CEP112: variants seen among roughly 807,000 people sequenced by gnomAD.
The protein encoded by CEP112 is centrosomal protein 112.
A neutral mutation model predicts 153.0 loss-of-function variants in CEP112; 127 were observed. The observed-to-expected ratio is 0.83, with a 90% CI of 0.72 to 0.96. The LOEUF is 0.96. Ranked by LOEUF, CEP112 falls within the 40% of genes least tolerant of loss-of-function variation. CEP112 has a pLI of 0.00. For missense variants in CEP112, 1,089 were observed against 1,101.2 expected (o/e 0.99, Z 0.16); for synonymous variants, 358 against 374.4 (o/e 0.96, Z 0.51).
chr17:65,890,487 C>A (rs534047987), intron 20 of CEP112, among the ~76,000 whole-genome samples: 2 of 152,288 alleles, frequency 1.3e-5, no homozygotes, highest in South Asian at 4.2e-4. Context: ...GCCCCCACAT[C>A]CCATAACTTC....
intron 21 of CEP112, among the ~76,000 whole-genome samples, chr17:65,831,528 G>A (rs1254135890): frequency 6.6e-6 from 1 of 150,398 alleles, no homozygotes; most frequent in African/African-American, 2.4e-5. Context: ...CTGCACTCCA[G>A]CCTGGGCGAC....
intron 22 of CEP112, among the ~76,000 whole-genome samples, chr17:65,749,126 C>T (rs2051649326): frequency 6.6e-6 from 1 of 152,174 alleles, no homozygotes; most frequent in African/African-American, 2.4e-5. Context: ...GCAATCAAGA[C>T]ATAATCATCA....
intron 20 of CEP112, among the ~76,000 whole-genome samples, chr17:65,857,120 G>A: frequency 6.6e-6 from 1 of 152,204 alleles, no homozygotes; most frequent in African/African-American, 2.4e-5. Context: ...GTCTGAGGGA[G>A]AGAATACAGT....
chr17:65,994,149 T>G (rs117854989), intron 17 of CEP112, among the ~76,000 whole-genome samples: 1 of 152,086 alleles, frequency 6.6e-6, no homozygotes, highest in Admixed American at 6.6e-5. Flanking sequence ...AAACCCATAA[T>G]CTGAGATGAA....
intron 17 of CEP112, among the ~76,000 whole-genome samples, chr17:65,970,051 C>T (rs1318424358): frequency 2.0e-5 from 3 of 152,160 alleles, no homozygotes; most frequent in Non-Finnish European, 4.4e-5. Context: ...GCATGCATGC[C>T]ACATCACATG....
At chr17:65,640,152 ATATTTTT>A (rs1214628588) in intron 25 of CEP112, among the ~76,000 whole-genome samples, 3 of 68,684 alleles carry the variant, frequency 4.4e-5, no homozygotes, top group African/African-American at 2.8e-4. Context: ...ATATATATAT[ATATTTTT>A]TTTTTTTTTT....
intron 21 of CEP112, among the ~76,000 whole-genome samples, chr17:65,814,413 G>A (rs1398279522): frequency 6.6e-6 from 1 of 152,074 alleles, no homozygotes; most frequent in Non-Finnish European, 1.5e-5. Context: ...CATAGGTTCT[G>A]GTGTCAAACT....
At chr17:65,856,006 C>T (rs983291158) in intron 20 of CEP112, among the ~76,000 whole-genome samples, 2 of 152,106 alleles carry the variant, frequency 1.3e-5, no homozygotes, top group Admixed American at 6.5e-5. Flanking sequence ...TGCAGTGAAC[C>T]GTGGTCATAC....
In CEP112 at chr17:65,931,560, G is replaced by T. The variant is rs147303140; in HGVS notation, c.1873-3871C>A. Among the ~76,000 whole-genome samples the T allele has an allele frequency of 4.5e-3, 679 of 152,310 alleles. 25 individuals are homozygous for T. Among genetic ancestry groups the T allele is most frequent in the Admixed American group, 0.037 (566 of 15,292 alleles). On this transcript the variant is annotated intron_variant, in intron 18 of 26. Transcript: ENST00000535342. The stretch of plus-strand genomic sequence containing the variant: ...AGCAGGGCTAGAACATCTGAGATCA[G>T]CTATAAACAATGAAGGGAAAATGGA...
chr17:65,958,756 G>A (rs1418193806), intron 18 of CEP112, among the ~76,000 whole-genome samples: 1 of 152,152 alleles, frequency 6.6e-6, no homozygotes, highest in Non-Finnish European at 1.5e-5. Flanking sequence ...TAAGGGGATG[G>A]GTCCCTAGTG....
At chr17:66,095,926 T>G (rs2068325448) in intron 8 of CEP112, among the ~76,000 whole-genome samples, 1 of 151,756 alleles carries the variant, frequency 6.6e-6, no homozygotes, top group Admixed American at 6.6e-5. Context: ...AAAAAAAAAT[T>G]TTAATTAGCT....
chr17:65,926,415 C>T (rs574841393), intron 19 of CEP112, among the ~76,000 whole-genome samples: 1 of 152,256 alleles, frequency 6.6e-6, no homozygotes, highest in South Asian at 2.1e-4. Context: ...TTTTCTTCTT[C>T]ATAAGTCACT....
chr17:65,989,461 G>A (rs1299636021), intron 17 of CEP112, among the ~76,000 whole-genome samples: 3 of 140,400 alleles, frequency 2.1e-5, no homozygotes, highest in Non-Finnish European at 4.6e-5. Flanking sequence ...CAGGATGACA[G>A]TTTCAAAGTT....
At chr17:66,027,439 A>C in intron 16 of CEP112, 62 bp downstream of exon 16, 2 of 1,268,434 alleles carry the variant, frequency 1.6e-6, no homozygotes, top group Non-Finnish European at 1.0e-6. Context: ...CATAAAAATC[A>C]GTCTGCATTA....
At chr17:66,079,692 T>C (rs1384167283) in intron 8 of CEP112, among the ~76,000 whole-genome samples, 1 of 152,010 alleles carries the variant, frequency 6.6e-6, no homozygotes, top group African/African-American at 2.4e-5. Context: ...GAAGAGCCCA[T>C]ACAGCCAAGA....
At chr17:65,757,497 C>A (rs780241556) in intron 21 of CEP112, among the ~76,000 whole-genome samples, 43 of 152,102 alleles carry the variant, frequency 2.8e-4, no homozygotes, top group Non-Finnish European at 5.6e-4. Context: ...CAGTATGAGT[C>A]CCAGGACTCC....
intron 23 of CEP112, among the ~76,000 whole-genome samples, chr17:65,699,023 C>T (rs568574234): frequency 2.0e-5 from 3 of 152,298 alleles, no homozygotes; most frequent in African/African-American, 7.2e-5. Context: ...ATTTCTCCTC[C>T]GTGAAAACTG....
chr17:65,985,237 G>A (rs1266729998), intron 17 of CEP112, among the ~76,000 whole-genome samples: 1 of 152,156 alleles, frequency 6.6e-6, no homozygotes, highest in Non-Finnish European at 1.5e-5. Context: ...TACCAAGAGG[G>A]CCCTGAATTA....
chr17:65,643,596 C>T (rs149461442), intron 24 of CEP112, among the ~76,000 whole-genome samples: 243 of 152,228 alleles, frequency 1.6e-3, no homozygotes, highest in Middle Eastern at 3.4e-3. Flanking sequence ...CCATGACACC[C>T]GGGCCCCCTG....
Sources: gnomAD v4.1 joint callset for allele counts (sites outside exome capture counted in the v4.1 genomes callset) on GRCh38, gnomAD v4.1.1 for gene constraint, MANE v1.5 for transcripts, NCBI Gene and HGNC (gene_info 2026-07-23, HGNC 2026-07-21) for gene names.